Variants in NAALADL2 observed in about 807,000 individuals in gnomAD.
NAALADL2 encodes the protein inactive N-acetylated-alpha-linked acidic dipeptidase-like protein 2.
NAALADL2 carries 76 observed loss-of-function variants against 87.2 expected under a neutral mutation model. The observed-to-expected ratio is 0.87, with a 90% CI of 0.72 to 1.05. NAALADL2 has a LOEUF of 1.05. Among genes scored for constraint, NAALADL2 ranks in the 50% least tolerant of loss-of-function variants. The pLI, the probability that NAALADL2 is intolerant of heterozygous loss-of-function variation, is 0.00. For missense variants in NAALADL2, 1,089 were observed against 945.8 expected (o/e 1.15, Z -1.99); for synonymous variants, 354 against 331.0 (o/e 1.07, Z -0.75).
chr3:175,013,300 TA>T (rs747558043), intron 1 of NAALADL2, among the ~76,000 whole-genome samples: 1,303 of 59,320 alleles, frequency 0.022, 47 homozygotes, highest in East Asian at 0.033. Flanking sequence ...TATATATATA[TA>T]TTTTTTTTTT....
At chr3:174,611,420 A>G (rs1320129245) in intron 2 of NAALADL2, among the ~76,000 whole-genome samples, 2 of 152,112 alleles carry the variant, frequency 1.3e-5, no homozygotes, top group African/African-American at 2.4e-5. Flanking sequence ...TTTATATCTT[A>G]TTGTACAGTC....
intron 2 of NAALADL2, among the ~76,000 whole-genome samples, chr3:175,122,277 T>C: frequency 6.6e-6 from 1 of 151,860 alleles, no homozygotes; most frequent in East Asian, 1.9e-4. Flanking sequence ...AGGATATGTG[T>C]TGGCTTTATT....
intron 2 of NAALADL2, among the ~76,000 whole-genome samples, chr3:174,656,395 T>G (rs1724930407): frequency 6.6e-6 from 1 of 152,136 alleles, no homozygotes; most frequent in Non-Finnish European, 1.5e-5. Context: ...TTGAACTTCT[T>G]TCGAAAAAAC....
chr3:175,595,204 A>G (rs1409659256), intron 10 of NAALADL2, among the ~76,000 whole-genome samples: 1 of 152,094 alleles, frequency 6.6e-6, no homozygotes, highest in Non-Finnish European at 1.5e-5. Flanking sequence ...CAGTTTCATT[A>G]TTCTGCATAT....
intron 4 of NAALADL2, among the ~76,000 whole-genome samples, chr3:175,309,195 C>CT (rs1295438324): frequency 2.7e-5 from 4 of 149,466 alleles, no homozygotes; most frequent in East Asian, 1.9e-4. Context: ...CTTTTTTTTT[C>CT]TTTTTTTGAG....
At chr3:175,777,845 G>C (rs768602519) in intron 13 of NAALADL2, among the ~76,000 whole-genome samples, 2 of 151,944 alleles carry the variant, frequency 1.3e-5, no homozygotes, top group Non-Finnish European at 2.9e-5. Context: ...AGAAAATGTA[G>C]AACTTTTTCT....
intron 2 of NAALADL2, among the ~76,000 whole-genome samples, chr3:174,656,807 T>C (rs1226436872): frequency 6.6e-6 from 1 of 152,124 alleles, no homozygotes; most frequent in Admixed American, 6.5e-5. Flanking sequence ...TATGGTGAAC[T>C]ACCATGTACA....
At chr3:175,343,025 C>T (rs1284071563) in intron 5 of NAALADL2, among the ~76,000 whole-genome samples, 1 of 151,958 alleles carries the variant, frequency 6.6e-6, no homozygotes, top group Admixed American at 6.6e-5. Context: ...CTGTAGTATG[C>T]ATAAAAAATT....
chr3:175,256,669 CAG>C (rs1324193777), intron 4 of NAALADL2, 139 bp downstream of exon 4: 1 of 642,636 alleles, frequency 1.6e-6, no homozygotes, highest in Middle Eastern at 3.2e-4. Flanking sequence ...GAAAGAGAGG[CAG>C]AGAGTGTCAC....
intron 6 of NAALADL2, among the ~76,000 whole-genome samples, chr3:175,448,993 A>G (rs1288881529): frequency 6.6e-6 from 1 of 152,098 alleles, no homozygotes; most frequent in Non-Finnish European, 1.5e-5. Context: ...TAGGATTATA[A>G]GTATGAGCCA....
chr3:175,509,814 A>G (rs1424252300), intron 9 of NAALADL2, among the ~76,000 whole-genome samples: 1 of 152,126 alleles, frequency 6.6e-6, no homozygotes, highest in East Asian at 1.9e-4. Flanking sequence ...GTGGCAGAAC[A>G]GGAAGCAAAC....
chr3:175,630,326 T>G (rs1727585295), intron 11 of NAALADL2, among the ~76,000 whole-genome samples: 1 of 151,812 alleles, frequency 6.6e-6, no homozygotes, highest in South Asian at 2.1e-4. Flanking sequence ...GTTATTCTCT[T>G]TAGTAGAACT....
chr3:174,723,991 TGA>T (rs1257323409), intron 2 of NAALADL2, among the ~76,000 whole-genome samples: 1 of 152,110 alleles, frequency 6.6e-6, no homozygotes, highest in Non-Finnish European at 1.5e-5. Flanking sequence ...TAAGTTTTTT[TGA>T]GTCTTAGAAG....
At chr3:174,683,768 T>C (rs1013963747) in intron 2 of NAALADL2, among the ~76,000 whole-genome samples, 16 of 151,824 alleles carry the variant, frequency 1.1e-4, no homozygotes, top group African/African-American at 3.6e-4. Flanking sequence ...CAAAAGAAAA[T>C]GTTAATTCAA....
intron 3 of NAALADL2, among the ~76,000 whole-genome samples, chr3:174,829,638 G>A (rs972273102): frequency 4.2e-5 from 6 of 143,016 alleles, no homozygotes; most frequent in Admixed American, 4.2e-4. Flanking sequence ...CCCAGTAATG[G>A]GATGGCTGGG....
At chr3:175,329,452 A>G (rs549803557) in intron 5 of NAALADL2, among the ~76,000 whole-genome samples, 1 of 152,344 alleles carries the variant, frequency 6.6e-6, no homozygotes, top group Admixed American at 6.5e-5. Context: ...AGTCATTACC[A>G]GGTATTCCTG....
chr3:175,048,188 C>CA (rs781318138), intron 1 of NAALADL2, among the ~76,000 whole-genome samples: 17 of 151,610 alleles, frequency 1.1e-4, no homozygotes, highest in Non-Finnish European at 2.4e-4. Context: ...CCTAAAATGG[C>CA]AAAAAATGTC....
intron 1 of NAALADL2, among the ~76,000 whole-genome samples, chr3:174,507,025 T>C (rs1719246881): frequency 6.6e-6 from 1 of 152,106 alleles, no homozygotes; most frequent in African/African-American, 2.4e-5. Context: ...CTGTTTATCT[T>C]GTCCTTATTT....
intron 9 of NAALADL2, among the ~76,000 whole-genome samples, chr3:175,478,446 T>C (rs1726017825): frequency 6.6e-6 from 1 of 151,952 alleles, no homozygotes; most frequent in Non-Finnish European, 1.5e-5. Flanking sequence ...GGTTTTCTGT[T>C]CAGTATATAC....
Sources: gnomAD v4.1 joint callset for allele counts (sites outside exome capture counted in the v4.1 genomes callset) on GRCh38, gnomAD v4.1.1 for gene constraint, MANE v1.5 for transcripts, NCBI Gene and HGNC (gene_info 2026-07-23, HGNC 2026-07-21) for gene names.